VPS13B: variants seen among roughly 807,000 people sequenced by gnomAD.
VPS13B encodes the protein intermembrane lipid transfer protein VPS13B.
Under a neutral mutation model 426.4 loss-of-function variants are expected in VPS13B, and 285 were observed. The observed-to-expected ratio is 0.67, with a 90% CI of 0.61 to 0.74. The LOEUF (loss-of-function observed/expected upper bound fraction) is 0.74, where lower values mean the gene tolerates loss of function less well. Among genes scored for constraint, VPS13B ranks in the 30% least tolerant of loss-of-function variants. The probability of loss-of-function intolerance (pLI) is 0.00; values close to 1 mark genes in which losing one functional copy is unlikely to be tolerated. For synonymous variants in VPS13B, 1,676 were observed against 1,676.4 expected (o/e 1.00, Z 0.01); for missense variants, 4,537 against 4,782.6 (o/e 0.95, Z 1.51).
At chr8:99,705,166 CTGTAGATTACT>C (rs1032076843) in intron 36 of VPS13B, among the ~76,000 whole-genome samples, 1 of 152,064 alleles carries the variant, frequency 6.6e-6, no homozygotes, top group African/African-American at 2.4e-5. Flanking sequence ...CTTAGATTAC[CTGTAGATTACT>C]GATAATTTTT....
In VPS13B at chr8:99,687,349, G is replaced by C. The variant is rs7002637; in HGVS notation, c.6047-12176G>C. Among the ~76,000 whole-genome samples the C allele has an allele frequency of 3.0e-3, 456 of 152,138 alleles. 6 individuals carry two copies. The highest frequency in any genetic ancestry group is 0.011 in the African/African-American group (438 of 41,412). On this transcript the variant is annotated intron_variant, in intron 35 of 61. Coordinates refer to ENST00000357162, the MANE Select transcript of VPS13B (RefSeq NM_152564.5). Reference sequence around the variant, plus strand: ...CCCTTAGCTGCCCCATCTGGTGTCTGACTGGATTGCATGCCCCCCAAGTTC... The same window carrying C: ...CCCTTAGCTGCCCCATCTGGTGTCTCACTGGATTGCATGCCCCCCAAGTTC...
At chr8:99,432,729 G>T (rs1183549461) in intron 22 of VPS13B, among the ~76,000 whole-genome samples, 1 of 152,140 alleles carries the variant, frequency 6.6e-6, no homozygotes, top group Non-Finnish European at 1.5e-5. Flanking sequence ...GGCAGACCTA[G>T]ATATGTATTT....
intron 24 of VPS13B, among the ~76,000 whole-genome samples, chr8:99,481,096 A>T (rs1375431354): frequency 1.1e-4 from 16 of 152,202 alleles, no homozygotes; most frequent in Non-Finnish European, 1.5e-5. Flanking sequence ...ATTAAAAAAA[A>T]GTCTCATATG....
intron 19 of VPS13B, among the ~76,000 whole-genome samples, chr8:99,372,883 T>G (rs893382450): frequency 6.6e-6 from 1 of 152,240 alleles, no homozygotes; most frequent in Admixed American, 6.5e-5. Flanking sequence ...ATTGCAGCAC[T>G]ATTTACAATA....
At chr8:99,645,096 A>G (rs918504873) in intron 34 of VPS13B, among the ~76,000 whole-genome samples, 70 of 152,168 alleles carry the variant, frequency 4.6e-4, no homozygotes, top group African/African-American at 1.7e-3. Context: ...GAAAAGAAGG[A>G]TCTGAATTGG....
intron 19 of VPS13B, among the ~76,000 whole-genome samples, chr8:99,292,108 C>T (rs987206524): frequency 1.3e-5 from 2 of 152,030 alleles, no homozygotes; most frequent in African/African-American, 4.8e-5. Context: ...TGTGGGTAAG[C>T]TTGGAGTTAA....
intron 43 of VPS13B, among the ~76,000 whole-genome samples, chr8:99,788,222 A>G (rs1249843640): frequency 6.6e-6 from 1 of 151,708 alleles, no homozygotes; most frequent in African/African-American, 2.4e-5. Flanking sequence ...TTAAAAATCT[A>G]AAAATTAAAT....
At chr8:99,586,598 T>A (rs529239376) in intron 33 of VPS13B, among the ~76,000 whole-genome samples, 1 of 152,228 alleles carries the variant, frequency 6.6e-6, no homozygotes, top group East Asian at 1.9e-4. Flanking sequence ...CATGTTAAAT[T>A]TGAGTGGTGG....
At position 99,033,954 on chromosome 8, in the gene VPS13B, AT is replaced by A. The variant is rs1251782292; in HGVS notation, c.148-4468del. 2.0e-5 allele frequency among the ~76,000 whole-genome samples: 3 copies of A among 152,116 alleles called. No homozygotes were observed. The East Asian group carries it at 5.8e-4, about 29-fold the overall frequency. ...ATTTCTTTGAACATATTTGGAATTG[AT>A]GTTTTGAAGTCTTTGTGTACCAAGT... On this transcript the variant is annotated intron_variant, in intron 2 of 61. Coordinates refer to ENST00000357162, the MANE Select transcript of VPS13B (RefSeq NM_152564.5).
intron 33 of VPS13B, among the ~76,000 whole-genome samples, chr8:99,600,121 TCCATAACA>T (rs901081355): frequency 6.6e-6 from 1 of 152,122 alleles, no homozygotes; most frequent in Non-Finnish European, 1.5e-5. Flanking sequence ...CTACCCAGGA[TCCATAACA>T]CCATAACACC....
At chr8:99,727,942 A>C (rs1041982089) in intron 39 of VPS13B, among the ~76,000 whole-genome samples, 11 of 152,216 alleles carry the variant, frequency 7.2e-5, no homozygotes, top group African/African-American at 2.7e-4. Context: ...AGCAGCTGTC[A>C]AATCTCTATG....
intron 23 of VPS13B, 74 bp downstream of exon 23, chr8:99,442,709 G>A (rs979548612): frequency 1.4e-6 from 2 of 1,435,746 alleles, no homozygotes; most frequent in Non-Finnish European, 1.9e-6. Context: ...GTTTTTAAAT[G>A]TGTCAGTGTA....
chr8:99,225,412 G>A (rs1362334502), intron 17 of VPS13B, among the ~76,000 whole-genome samples: 2 of 152,016 alleles, frequency 1.3e-5, no homozygotes, highest in Admixed American at 1.3e-4. Flanking sequence ...GAGTAGCTGG[G>A]ACTAGAGGCA....
chr8:99,819,368 T>C (rs1563489994), intron 47 of VPS13B, 44 bp from the exon 48 acceptor site: 2 of 1,603,954 alleles, frequency 1.2e-6, no homozygotes, highest in Non-Finnish European at 8.5e-7. Flanking sequence ...TATACCACTT[T>C]AGAAATCTGA....
At chr8:99,115,651 C>T in intron 6 of VPS13B, 49 bp from the exon 7 acceptor site, 1 of 1,571,008 alleles carries the variant, frequency 6.4e-7, no homozygotes, top group Non-Finnish European at 8.7e-7. Flanking sequence ...GTAAAAAATA[C>T]TCTTTTTAAA....
intron 3 of VPS13B, among the ~76,000 whole-genome samples, chr8:99,067,624 C>G (rs544904123): frequency 2.6e-5 from 4 of 152,186 alleles, no homozygotes; most frequent in Non-Finnish European, 5.9e-5. Flanking sequence ...CACATGTACC[C>G]TAGAACTTAA....
chr8:99,453,297 T>A (rs1362585870), intron 23 of VPS13B, among the ~76,000 whole-genome samples: 1 of 152,244 alleles, frequency 6.6e-6, no homozygotes, highest in Non-Finnish European at 1.5e-5. Context: ...TTCTTTCCAG[T>A]TTCACTTAGT....
At chr8:99,776,031 C>A (rs1811725492) in intron 40 of VPS13B, among the ~76,000 whole-genome samples, 1 of 152,166 alleles carries the variant, frequency 6.6e-6, no homozygotes, top group African/African-American at 2.4e-5. Context: ...ACTTTTATGG[C>A]ACCCGTTACA....
intron 43 of VPS13B, among the ~76,000 whole-genome samples, chr8:99,790,905 GA>G (rs1812506574): frequency 6.6e-6 from 1 of 152,158 alleles, no homozygotes; most frequent in South Asian, 2.1e-4. Flanking sequence ...GGAGCTGCAA[GA>G]GGGGGAAGTA....
Sources: gnomAD v4.1 joint callset for allele counts (sites outside exome capture counted in the v4.1 genomes callset) on GRCh38, gnomAD v4.1.1 for gene constraint, MANE v1.5 for transcripts, NCBI Gene and HGNC (gene_info 2026-07-23, HGNC 2026-07-21) for gene names.